The following RANBP3L variants were observed in gnomAD, a reference collection of about 807,000 sequenced individuals.
RANBP3L encodes the protein RAN binding protein 3 like, also known as ran-binding protein 3-like.
In RANBP3L, 56 loss-of-function variants were observed where a neutral mutation model predicts 67.2. That is an observed-to-expected ratio of 0.83 (90% CI 0.67 to 1.04). RANBP3L has a LOEUF of 1.04. Ranked by LOEUF, RANBP3L falls within the 50% of genes least tolerant of loss-of-function variation. The probability of loss-of-function intolerance (pLI) is 0.00; values close to 1 mark genes in which losing one functional copy is unlikely to be tolerated. For synonymous variants in RANBP3L, 164 were observed against 181.4 expected, an observed-to-expected ratio of 0.90 and a Z score of 0.77; for missense variants, 496 against 535.5, an observed-to-expected ratio of 0.93 and a Z score of 0.73.
In RANBP3L at chr5:36,283,539, T is replaced by TACACACACACACAC. The variant is rs3086448; in HGVS notation, c.92-12242_92-12229dup. 5.2e-4 allele frequency among the ~76,000 whole-genome samples: 76 copies of TACACACACACACAC among 144,794 alleles called. 1 individual carries two copies. The highest frequency in any genetic ancestry group is 1.8e-3 in the African/African-American group (71 of 39,268). The allele number at this position is 144,794 out of a possible 152,430, so 95.0% of individuals were successfully genotyped here. A position where few individuals can be genotyped will look rare whatever the true frequency, so the allele number is the denominator to read the frequency against. ...CTTGCCTATGCTCTGTATATAAAAA[T>TACACACACACACAC]ACACACACACACACACACACACACA... is the stretch of plus-strand genomic sequence containing the variant. On this transcript the variant is annotated intron_variant, in intron 1 of 13. Coordinates refer to ENST00000296604, the MANE Select transcript of RANBP3L (RefSeq NM_145000.5).
At chr5:36,301,217 A>T in intron 1 of RANBP3L, 109 bp downstream of exon 1, 1 of 765,968 alleles carries the variant, frequency 1.3e-6, no homozygotes, top group Non-Finnish European at 2.3e-6. Flanking sequence ...CTTATGCATC[A>T]CTATTATGTC....
chr5:36,296,921 C>T (rs925276486), intron 1 of RANBP3L, among the ~76,000 whole-genome samples: 3 of 150,590 alleles, frequency 2.0e-5, no homozygotes, highest in African/African-American at 7.5e-5. Flanking sequence ...CTTGGGTCTG[C>T]AGCCTGTCAG....
rs372662908 is a variant in RANBP3L, at chr5:36,265,022, T to C, written c.417A>G (p.Val139=). The change falls in exon 6 of 14, where the codon GTA becomes GTG. Residue 139 remains valine, a synonymous_variant. Coordinates refer to ENST00000296604, the MANE Select transcript of RANBP3L (RefSeq NM_145000.5). ...GTGCCTTGTGTCCAAATGTTTTTCTTACTTTTGCACAACTTCGAGCTTGAG... is the reference window on the plus strand; with the variant it reads ...GTGCCTTGTGTCCAAATGTTTTTCTCACTTTTGCACAACTTCGAGCTTGAG... ...QLPQARSCAK[V]RKTFGHKALE... is the part of the protein sequence containing the mutation. 6.2e-7 allele frequency: 1 copy of C among 1,613,688 alleles called. No homozygotes were observed. Among genetic ancestry groups the C allele is most frequent in the Non-Finnish European group, 8.5e-7 (1 of 1,179,706 alleles).
intron 1 of RANBP3L, among the ~76,000 whole-genome samples, chr5:36,271,895 ATTTTC>A (rs1490781765): frequency 2.0e-5 from 3 of 152,126 alleles, no homozygotes; most frequent in African/African-American, 7.2e-5. Context: ...AATATTTTGT[ATTTTC>A]TTATCTTAGA....
chr5:36,290,825 G>A (rs1407385850), intron 1 of RANBP3L, among the ~76,000 whole-genome samples: 14 of 144,186 alleles, frequency 9.7e-5, no homozygotes, highest in African/African-American at 3.3e-4. Context: ...TCTGCCTCCC[G>A]GGTTCAAGCG....
At chr5:36,299,085 A>G (rs1352966584) in intron 1 of RANBP3L, among the ~76,000 whole-genome samples, 2 of 152,090 alleles carry the variant, frequency 1.3e-5, no homozygotes, top group Non-Finnish European at 2.9e-5. Context: ...AAGCAGGCAA[A>G]AAAACGTGAA....
intron 1 of RANBP3L, among the ~76,000 whole-genome samples, chr5:36,281,213 G>T (rs1750948347): frequency 6.6e-6 from 1 of 152,128 alleles, no homozygotes; most frequent in Non-Finnish European, 1.5e-5. Flanking sequence ...CCTGTGAAAT[G>T]GGGATCATTA....
At chr5:36,253,573 A>G in intron 12 of RANBP3L, 74 bp downstream of exon 12, 1 of 1,298,594 alleles carries the variant, frequency 7.7e-7, no homozygotes, top group Admixed American at 1.8e-5. Context: ...TACCTAATGA[A>G]AAAACAAATT....
intron 6 of RANBP3L, 137 bp from the exon 7 acceptor site, chr5:36,262,179 G>A (rs934595696): frequency 1.1e-5 from 6 of 549,474 alleles, no homozygotes; most frequent in Non-Finnish European, 1.3e-5. Context: ...TTTTATGTAC[G>A]ATCTCATTTA....
intron 4 of RANBP3L, chr5:36,268,116 A>T (rs6869599): frequency 1.0e-6 from 1 of 967,032 alleles, no homozygotes; most frequent in Non-Finnish European, 1.5e-6. Context: ...TGATCGCTAA[A>T]AAAGAAAAGT....
In RANBP3L at chr5:36,258,145, C is replaced by T. The variant is rs1344351498; in HGVS notation, c.670-589G>A. On this transcript the variant is annotated intron_variant, in intron 8 of 13. Transcript: ENST00000296604. Reference sequence around the variant, plus strand: ...AGAGAACATCTTTTTAGAAAAAATCCTAACTTTTCCTCCCAGACGATTTTG... The same window carrying T: ...AGAGAACATCTTTTTAGAAAAAATCTTAACTTTTCCTCCCAGACGATTTTG... Among the ~76,000 whole-genome samples, 7 of 152,152 alleles carry T rather than the reference C, an allele frequency of 4.6e-5. 1 individual carries two copies. In the South Asian group the frequency reaches 8.3e-4, roughly 18 times the overall value.
intron 2 of RANBP3L, 57 bp from the exon 3 acceptor site, chr5:36,270,047 G>A (rs1236484961): frequency 6.7e-7 from 1 of 1,497,978 alleles, no homozygotes; most frequent in East Asian, 2.3e-5. Context: ...TATTATGTTG[G>A]TGCAAAAGTT....
chr5:36,255,395 G>A, intron 11 of RANBP3L, 75 bp downstream of exon 11: 2 of 1,387,626 alleles, frequency 1.4e-6, no homozygotes, highest in Non-Finnish European at 2.0e-6. Flanking sequence ...AGAAAATGAT[G>A]TGTACCTATA....
rs570852771 is a variant in RANBP3L, at chr5:36,257,225, T to G, written c.773-154A>C. Among the ~76,000 whole-genome samples the G allele has an allele frequency of 2.7e-3, 405 of 152,216 alleles. 1 individual carries two copies. The highest frequency in any genetic ancestry group is 3.7e-3 in the Non-Finnish European group (254 of 67,978). ...CTGCTTGAGTTGGTGTAAAATCTCC[T>G]TATCAATTCCCCCATAGCATTAACT... On this transcript the variant is annotated intron_variant, in intron 9 of 13. Transcript: ENST00000296604.
Position 36,261,852 on chromosome 5 carries a change from G to A in RANBP3L, c.584+87C>T, listed in dbSNP as rs561464837. On this transcript the variant is annotated intron_variant, in intron 7 of 13. Coordinates refer to ENST00000296604, the MANE Select transcript of RANBP3L (RefSeq NM_145000.5). The stretch of plus-strand genomic sequence containing the variant: ...AATCTTGGCAATTTATCCGTACAAG[G>A]TCAGAAAATTATTTTCCATGAATGG... The A allele has an allele frequency of 8.3e-5, 56 of 672,720 alleles. No individual in the cohort carries two copies. The South Asian group carries it at 1.1e-3, about 13-fold the overall frequency. 41.7% of individuals were successfully genotyped at this position (672,720 alleles called of 1,614,324 possible).
chr5:36,266,514 T>A (rs1561111957), intron 4 of RANBP3L, among the ~76,000 whole-genome samples: 1 of 152,230 alleles, frequency 6.6e-6, no homozygotes, highest in Non-Finnish European at 1.5e-5. Flanking sequence ...ATGTTTTTTA[T>A]GATCTTTATT....
chr5:36,281,857 A>G (rs1348374919), intron 1 of RANBP3L, among the ~76,000 whole-genome samples: 2 of 152,190 alleles, frequency 1.3e-5, no homozygotes, highest in Non-Finnish European at 2.9e-5. Flanking sequence ...GACAGGGCAC[A>G]CCCATTTCTG....
At position 36,249,090 on chromosome 5, in the gene RANBP3L, A is replaced by T. The variant is rs1748434318; in HGVS notation, c.*564T>A. The T allele has an allele frequency of 6.6e-6, 1 of 152,114 alleles. No individual in the cohort carries two copies. Among genetic ancestry groups the T allele is most frequent in the Non-Finnish European group, 1.5e-5 (1 of 67,956 alleles). 9.4% of individuals were successfully genotyped at this position (152,114 alleles called of 1,614,324 possible). A position where few individuals can be genotyped will look rare whatever the true frequency, so the allele number is the denominator to read the frequency against. On this transcript the variant is annotated 3_prime_UTR_variant, in exon 14 of 14. Transcript: ENST00000296604. ...GACAAGATGCAACAGATACAAGTCC[A>T]AGAGCAGATGCTCTTTTTAAAGGAA... is the stretch of plus-strand genomic sequence containing the variant.
Position 36,256,940 on chromosome 5 carries a change from C to T in RANBP3L, c.903+1G>A. The T allele has an allele frequency of 3.1e-6, 5 of 1,612,070 alleles. No individual in the cohort carries two copies. The highest frequency in any genetic ancestry group is 4.2e-6 in the Non-Finnish European group (5 of 1,178,658). ...GAAAGAGTAAAACATGATATACAGA[C>T]CTTTAACACATTATGTTCTGTTTCC... is the stretch of plus-strand genomic sequence containing the variant. On this transcript the variant is annotated splice_donor_variant, in intron 10 of 13. Transcript: ENST00000296604. LOFTEE classifies it high-confidence loss of function.
Sources: gnomAD v4.1 joint callset for allele counts (sites outside exome capture counted in the v4.1 genomes callset) on GRCh38, gnomAD v4.1.1 for gene constraint, MANE v1.5 for transcripts, NCBI Gene and HGNC (gene_info 2026-07-23, HGNC 2026-07-21) for gene names.